Variants in NCAPD3 observed in about 807,000 individuals in gnomAD.
NCAPD3 encodes the protein non-SMC condensin II complex subunit D3.
In NCAPD3, 105 loss-of-function variants were observed where a neutral mutation model predicts 182.9. The observed-to-expected ratio is 0.57, with a 90% CI of 0.49 to 0.68. The LOEUF is 0.68. NCAPD3 is among the 30% of genes least tolerant of loss of function. The pLI, the probability that NCAPD3 is intolerant of heterozygous loss-of-function variation, is 0.00. For synonymous variants in NCAPD3, 815 were observed against 679.9 expected (o/e 1.20, Z -3.09); for missense variants, 1,944 against 1,837.0 (o/e 1.06, Z -1.07).
rs772201026 is a variant in NCAPD3, at chr11:134,223,950, C to A, written c.-24G>T. On this transcript the variant is annotated 5_prime_UTR_variant, in exon 1 of 35. Transcript: ENST00000534548. ...ATGATCCCAGGGCACCGGCTCGCCG[C>A]CGCCGTGCTCAACTTTCAAAGCTCG... 3.2e-5 allele frequency: 52 copies of A among 1,608,746 alleles called. No individual in the cohort carries two copies. Among genetic ancestry groups the A allele is most frequent in the Non-Finnish European group, 4.3e-5 (51 of 1,178,578 alleles).
At position 134,184,935 on chromosome 11, in the gene NCAPD3, T is replaced by C. The variant is rs1944372092; in HGVS notation, c.2303A>G (p.His768Arg). The change falls in exon 18 of 35, where the codon CAT becomes CGT. Residue 768 changes from histidine to arginine, a missense_variant. His to Arg is a conservative substitution (Grantham distance 29). Coordinates refer to ENST00000534548, the MANE Select transcript of NCAPD3 (RefSeq NM_015261.3). ...TTTGTCCCGGGTGCTCTTAGGAAGATGCTTTGCAATATGCCCAATCACACA... is the reference window on the plus strand; with the variant it reads ...TTTGTCCCGGGTGCTCTTAGGAAGACGCTTTGCAATATGCCCAATCACACA... Reference protein sequence around the residue: ...ILCVIGHIAKHLPKSTRDKVT... With the variant: ...ILCVIGHIAKRLPKSTRDKVT... The C allele has an allele frequency of 6.2e-7, 1 of 1,613,870 alleles. No homozygotes were observed. The highest frequency in any genetic ancestry group is 1.1e-5 in the South Asian group (1 of 91,076).
chr11:134,168,130 C>A lies in NCAPD3; in HGVS notation c.3439G>T (p.Glu1147Ter). The A allele has an allele frequency of 6.2e-7, 1 of 1,614,178 alleles. No individual in the cohort carries two copies. The highest frequency in any genetic ancestry group is 8.5e-7 in the Non-Finnish European group (1 of 1,180,016). ...TTGATCTCCTTTGAGCTGAGGACCT[C>A]AAACGTGTCTGAGAGTAACTCACTG... ...DASELLSDTF[E>*]VLSSKEIKLL... The change falls in exon 27 of 35, where the codon GAG becomes TAG. Residue 1147 changes from glutamate to a stop codon, truncating the protein, a stop_gained. Transcript: ENST00000534548. LOFTEE classifies it high-confidence loss of function.
intron 24 of NCAPD3, among the ~76,000 whole-genome samples, chr11:134,169,634 C>A (rs1042167601): frequency 3.9e-5 from 6 of 152,224 alleles, no homozygotes; most frequent in Non-Finnish European, 8.8e-5. Flanking sequence ...TGGGCACTCT[C>A]CTTCCACCCA....
In NCAPD3 at chr11:134,168,247, C is replaced by T. The variant is rs572348709; in HGVS notation, c.3374-52G>A. Reference sequence around the variant, plus strand: ...TGAGCTTCTGAGAAATGCTCTGGCCCAGAGAGGAGGTGTAATTCCCACAAC... The same window carrying T: ...TGAGCTTCTGAGAAATGCTCTGGCCTAGAGAGGAGGTGTAATTCCCACAAC... On this transcript the variant is annotated intron_variant, in intron 26 of 34. Coordinates refer to ENST00000534548, the MANE Select transcript of NCAPD3 (RefSeq NM_015261.3). 5.1e-6 allele frequency: 8 copies of T among 1,558,878 alleles called. No individual in the cohort carries two copies. The South Asian group carries it at 8.9e-5, about 17-fold the overall frequency.
chr11:134,177,469 G>C lies in NCAPD3; in HGVS notation c.2783-12C>G. On this transcript the variant is annotated splice_polypyrimidine_tract_variant and intron_variant, in intron 22 of 34. Transcript: ENST00000534548. Reference sequence around the variant, plus strand: ...TAAGCACAGCTTACCTGGCACAGAAGACAGGAAGATGTCTCAACTGTATTC... The same window carrying C: ...TAAGCACAGCTTACCTGGCACAGAACACAGGAAGATGTCTCAACTGTATTC... The C allele has an allele frequency of 6.2e-7, 1 of 1,604,186 alleles. No homozygotes were observed. The highest frequency in any genetic ancestry group is 8.5e-7 in the Non-Finnish European group (1 of 1,171,804).
intron 24 of NCAPD3, chr11:134,173,521 G>A (rs1307518962): frequency 2.0e-5 from 3 of 153,582 alleles, no homozygotes; most frequent in African/African-American, 7.2e-5. Context: ...AGCAGCACTG[G>A]GGCGGCCCCA....
At chr11:134,170,606 G>T (rs979680928) in intron 24 of NCAPD3, among the ~76,000 whole-genome samples, 1 of 152,228 alleles carries the variant, frequency 6.6e-6, no homozygotes, top group African/African-American at 2.4e-5. Flanking sequence ...TCCACAAGAA[G>T]AGGGTTCCCT....
intron 16 of NCAPD3, among the ~76,000 whole-genome samples, chr11:134,192,409 C>G (rs1944541537): frequency 6.6e-6 from 1 of 152,152 alleles, no homozygotes; most frequent in Middle Eastern, 3.2e-3. Flanking sequence ...ATATGTATCT[C>G]CATCAGTGTT....
At chr11:134,160,121 C>G in intron 28 of NCAPD3, 47 bp from the exon 29 acceptor site, 1 of 1,595,366 alleles carries the variant, frequency 6.3e-7, no homozygotes, top group South Asian at 1.1e-5. Flanking sequence ...TGAATAAAAA[C>G]GTAAAGCCCT....
intron 4 of NCAPD3, 127 bp downstream of exon 4, chr11:134,210,143 C>T: frequency 6.8e-6 from 5 of 731,772 alleles, no homozygotes; most frequent in Non-Finnish European, 1.1e-5. Context: ...TATTGGATAG[C>T]TTATGATGGT....
In NCAPD3 at chr11:134,150,300, C is replaced by T. The variant is rs552885357; in HGVS notation, c.*2644G>A. 6.6e-6 allele frequency: 1 copy of T among 152,472 alleles called. No homozygotes were observed. Among genetic ancestry groups the T allele is most frequent in the South Asian group, 2.1e-4 (1 of 4,830 alleles). The allele number at this position is 152,472 out of a possible 1,614,324, so 9.4% of individuals were successfully genotyped here. On this transcript the variant is annotated 3_prime_UTR_variant, in exon 35 of 35. Coordinates refer to ENST00000534548, the MANE Select transcript of NCAPD3 (RefSeq NM_015261.3). Reference sequence around the variant, plus strand: ...AACCTCTCAGGTTAGCTTTGAACTGCCTCTTCCTGAGATGACTAGGACAGT... The same window carrying T: ...AACCTCTCAGGTTAGCTTTGAACTGTCTCTTCCTGAGATGACTAGGACAGT...
chr11:134,164,596 C>G (rs1270282335), intron 27 of NCAPD3, among the ~76,000 whole-genome samples: 1 of 151,868 alleles, frequency 6.6e-6, no homozygotes, highest in African/African-American at 2.4e-5. Context: ...GTGACATGAG[C>G]TTAGGGGAGC....
intron 23 of NCAPD3, among the ~76,000 whole-genome samples, chr11:134,176,721 T>A (rs544500937): frequency 6.6e-6 from 1 of 152,352 alleles, no homozygotes; most frequent in East Asian, 1.9e-4. Flanking sequence ...CTCCCCATTA[T>A]AGGCCAAACA....
At chr11:134,172,447 C>T (rs900043087) in intron 24 of NCAPD3, among the ~76,000 whole-genome samples, 7 of 152,180 alleles carry the variant, frequency 4.6e-5, no homozygotes, top group African/African-American at 1.7e-4. Flanking sequence ...TCCATGGCTT[C>T]ACTAAGGCCT....
At chr11:134,212,949 C>A (rs1280715371) in intron 3 of NCAPD3, among the ~76,000 whole-genome samples, 16 of 151,960 alleles carry the variant, frequency 1.1e-4, no homozygotes, top group Admixed American at 3.3e-4. Context: ...TGGCAGAAAC[C>A]CAGCTACATT....
chr11:134,162,057 CTT>C (rs1943598213), intron 27 of NCAPD3, among the ~76,000 whole-genome samples, 166 bp from the exon 28 acceptor site: 1 of 152,156 alleles, frequency 6.6e-6, no homozygotes, highest in African/African-American at 2.4e-5. Flanking sequence ...CTCTGGGAGA[CTT>C]TGTAAGCATT....
rs548081264 is a variant in NCAPD3, at chr11:134,159,781, GCTGA to G, written c.3867+107_3867+110del. 2.1e-4 allele frequency: 255 copies of G among 1,216,094 alleles called. 2 individuals are homozygous for G. The South Asian group carries it at 2.5e-3, about 12-fold the overall frequency. The allele number at this position is 1,216,094 out of a possible 1,614,324, so 75.3% of individuals were successfully genotyped here. A position where few individuals can be genotyped will look rare whatever the true frequency, so the allele number is the denominator to read the frequency against. On this transcript the variant is annotated intron_variant, in intron 29 of 34. Transcript: ENST00000534548. ...CAAGCAGCACTCTCGAGGCCTTCGG[GCTGA>G]CTAACCTCTGATGACGGAGATCTTG...
intron 31 of NCAPD3, 145 bp from the exon 32 acceptor site, chr11:134,157,240 G>C (rs991485726): frequency 1.8e-6 from 1 of 563,450 alleles, no homozygotes; most frequent in Admixed American, 3.6e-5. Context: ...AATTCAGGAA[G>C]AAATACAAAT....
At chr11:134,159,830 C>G (rs1943527423) in intron 29 of NCAPD3, 62 bp downstream of exon 29, 1 of 1,518,658 alleles carries the variant, frequency 6.6e-7, no homozygotes, top group Non-Finnish European at 8.9e-7. Context: ...AGACAAACGA[C>G]AGACTGGTAG....
Sources: gnomAD v4.1 joint callset for allele counts (sites outside exome capture counted in the v4.1 genomes callset) on GRCh38, gnomAD v4.1.1 for gene constraint, MANE v1.5 for transcripts, NCBI Gene and HGNC (gene_info 2026-07-23, HGNC 2026-07-21) for gene names.